ACADSB: variants seen among roughly 807,000 people sequenced by gnomAD.
ACADSB encodes the protein acyl-CoA dehydrogenase short/branched chain.
ACADSB carries 40 observed loss-of-function variants against 54.1 expected under a neutral mutation model. The observed-to-expected ratio is 0.74, with a 90% confidence interval of 0.57 to 0.96. The LOEUF is 0.96. ACADSB is among the 40% of genes least tolerant of loss of function. ACADSB has a pLI of 0.00. For missense variants in ACADSB, 530 were observed against 510.4 expected, an observed-to-expected ratio of 1.04 and a Z score of -0.37; for synonymous variants, 182 against 182.8, an observed-to-expected ratio of 1.00 and a Z score of 0.03.
intron 3 of ACADSB, among the ~76,000 whole-genome samples, chr10:123,038,095 C>T (rs777968580): frequency 4.6e-5 from 7 of 152,154 alleles, no homozygotes; most frequent in Non-Finnish European, 7.3e-5. Flanking sequence ...TTTAGACCAG[C>T]GGTTCTCAAA....
intron 9 of ACADSB, 145 bp downstream of exon 9, chr10:123,051,331 A>G: frequency 1.7e-6 from 2 of 1,149,052 alleles, no homozygotes; most frequent in South Asian, 3.6e-5. Context: ...TTTATTTCTT[A>G]TAATAGAAAA....
rs1850584646 is a variant in ACADSB, at chr10:123,048,188, T to C, written c.990+890T>C. Among the ~76,000 whole-genome samples, 7 of 152,360 alleles carry C rather than the reference T, an allele frequency of 4.6e-5. No individual in the cohort carries two copies. The South Asian group carries it at 1.4e-3, about 32-fold the overall frequency. On this transcript the variant is annotated intron_variant, in intron 8 of 10. Coordinates refer to ENST00000358776, the MANE Select transcript of ACADSB (RefSeq NM_001609.4). ...ATTGCATTGCCAACTGCATGTTGCA[T>C]TGTCTTCAGGTTTATAATAATGACT...
intron 1 of ACADSB, among the ~76,000 whole-genome samples, chr10:123,015,515 C>A (rs995573608): frequency 6.6e-6 from 1 of 152,222 alleles, no homozygotes. Context: ...TGAGCTATGA[C>A]AACCCAAAAT....
chr10:123,032,910 C>G (rs1040549370), intron 1 of ACADSB, among the ~76,000 whole-genome samples: 14 of 152,068 alleles, frequency 9.2e-5, no homozygotes, highest in Admixed American at 2.6e-4. Context: ...TTCTTTCCCC[C>G]CTTTCTTCCT....
At chr10:123,019,955 C>CT (rs200918918) in intron 1 of ACADSB, among the ~76,000 whole-genome samples, 59 of 151,978 alleles carry the variant, frequency 3.9e-4, no homozygotes, top group East Asian at 7.7e-4. Context: ...ATCATCCAGT[C>CT]TTTTTTTTGT....
intron 1 of ACADSB, among the ~76,000 whole-genome samples, chr10:123,015,391 A>G (rs1452730633): frequency 1.3e-5 from 2 of 152,158 alleles, no homozygotes; most frequent in Non-Finnish European, 2.9e-5. Flanking sequence ...CTTGTCTAAG[A>G]AGGCCCACAT....
At chr10:123,039,929 A>G (rs955603997) in intron 3 of ACADSB, among the ~76,000 whole-genome samples, 3 of 152,212 alleles carry the variant, frequency 2.0e-5, no homozygotes, top group Admixed American at 1.3e-4. Flanking sequence ...AAGGAAGCAA[A>G]TGATAGCATA....
intron 7 of ACADSB, 106 bp downstream of exon 7, chr10:123,044,591 C>A (rs918087815): frequency 1.1e-6 from 1 of 877,020 alleles, no homozygotes; most frequent in Non-Finnish European, 1.9e-6. Flanking sequence ...CACAAGATGG[C>A]ACCGTTCCCT....
intron 1 of ACADSB, among the ~76,000 whole-genome samples, chr10:123,010,044 A>G (rs1196488089): frequency 6.6e-6 from 1 of 152,112 alleles, no homozygotes; most frequent in African/African-American, 2.4e-5. Context: ...TGACTGTTTT[A>G]CAGGCCTGAA....
chr10:123,022,746 A>G (rs899968062), intron 1 of ACADSB, among the ~76,000 whole-genome samples: 3 of 152,338 alleles, frequency 2.0e-5, no homozygotes, highest in East Asian at 3.9e-4. Context: ...ATGAAACCAT[A>G]AAGAACAAGA....
rs1329460124 is a variant in ACADSB at position 123,056,253 on chromosome 10, C to CTTACA, written c.*2489_*2493dup. ...GTGAAGAAAAAGAGGTTTAATTGGA[C>CTTACA]TTACAGTTCCACATGGCCGGGGAGG... On this transcript the variant is annotated 3_prime_UTR_variant, in exon 11 of 11. Transcript: ENST00000358776. 1 of 198,688 alleles carries CTTACA rather than the reference C, an allele frequency of 5.0e-6. No homozygotes were observed. Among genetic ancestry groups the CTTACA allele is most frequent in the Non-Finnish European group, 9.9e-6 (1 of 100,606 alleles). The allele number at this position is 198,688 out of a possible 1,614,324, so 12.3% of individuals were successfully genotyped here. A position where few individuals can be genotyped will look rare whatever the true frequency, so the allele number is the denominator to read the frequency against.
At chr10:123,021,940 T>C (rs1449195123) in intron 1 of ACADSB, among the ~76,000 whole-genome samples, 1 of 152,094 alleles carries the variant, frequency 6.6e-6, no homozygotes, top group Non-Finnish European at 1.5e-5. Context: ...GGGCCTCTCA[T>C]GTGTGCATTA....
chr10:123,034,990 C>T (rs950923753), intron 2 of ACADSB, among the ~76,000 whole-genome samples: 1 of 151,122 alleles, frequency 6.6e-6, no homozygotes, highest in Admixed American at 6.6e-5. Flanking sequence ...CACTCTGACA[C>T]CCAGGCTGGA....
intron 5 of ACADSB, among the ~76,000 whole-genome samples, chr10:123,042,481 A>G (rs1167218070): frequency 1.0e-5 from 1 of 98,194 alleles, no homozygotes; most frequent in Non-Finnish European, 1.9e-5. Context: ...TTTTTTTGAG[A>G]CGGAGTTTCG....
intron 1 of ACADSB, among the ~76,000 whole-genome samples, chr10:123,020,290 A>G (rs1272268596): frequency 6.6e-6 from 1 of 152,104 alleles, no homozygotes; most frequent in Non-Finnish European, 1.5e-5. Flanking sequence ...AAAACTCCCC[A>G]GGAGGGGGAA....
At chr10:123,035,018 C>T (rs373664781) in intron 2 of ACADSB, among the ~76,000 whole-genome samples, 23 of 151,346 alleles carry the variant, frequency 1.5e-4, no homozygotes, top group East Asian at 5.8e-4. Context: ...GGCGCAATCT[C>T]GGCTCACAGC....
At position 123,040,562 on chromosome 10, in the gene ACADSB, T is replaced by A; in HGVS notation, c.400T>A (p.Ser134Thr). The A allele has an allele frequency of 6.2e-7, 1 of 1,613,826 alleles. No individual in the cohort carries two copies. Among genetic ancestry groups the A allele is most frequent in the Non-Finnish European group, 8.5e-7 (1 of 1,179,738 alleles). ...AGAGGAATTAGCCAAAGTTGATGCA[T>A]CTGTGGCTGTCTTTTGTGAGATCCA... ...VIEELAKVDA[S>T]VAVFCEIQNT... The change falls in exon 4 of 11, where the codon TCT (serine) becomes ACT (threonine). Residue 134 changes from serine to threonine, a missense_variant. Physicochemically the swap from Ser to Thr is moderately conservative, Grantham distance 58 (BLOSUM62 1). Coordinates refer to ENST00000358776, the MANE Select transcript of ACADSB (RefSeq NM_001609.4).
Position 123,052,989 on chromosome 10 carries a change from A to AT in ACADSB, c.1129-71dup, listed in dbSNP as rs2133496217. The stretch of plus-strand genomic sequence containing the variant: ...TAACAGTAAATCCATGTTGCTGAAA[A>AT]TGTTACCCAGAAGTGTTTATCATGT... On this transcript the variant is annotated intron_variant, in intron 9 of 10. Transcript: ENST00000358776. The surrounding 1 kb of genome is among the most constrained non-coding windows in gnomAD (Gnocchi z 4.2). 2 of 1,222,810 alleles carry AT rather than the reference A, an allele frequency of 1.6e-6. No individual in the cohort carries two copies. The highest frequency in any genetic ancestry group is 3.0e-5 in the African/African-American group (2 of 67,218). 75.7% of individuals were successfully genotyped at this position (1,222,810 alleles called of 1,614,324 possible).
chr10:123,041,522 G>A lies in ACADSB; in HGVS notation c.681+143G>A, dbSNP rs1211781508. ...TACTGAAAATGTCAGACTTGAGCTG[G>A]CATTTTTTCACTTCGTTAATCTCCT... On this transcript the variant is annotated intron_variant, in intron 5 of 10. Coordinates refer to ENST00000358776, the MANE Select transcript of ACADSB (RefSeq NM_001609.4). 7.2e-6 allele frequency: 6 copies of A among 828,574 alleles called. No homozygotes were observed. The Admixed American group carries it at 1.3e-4, about 18-fold the overall frequency. 51.3% of individuals were successfully genotyped at this position (828,574 alleles called of 1,614,324 possible).
Sources: allele counts gnomAD v4.1 joint callset (sites outside exome capture counted in the v4.1 genomes callset), GRCh38; gene constraint gnomAD v4.1.1; non-coding constraint Gnocchi (gnomAD v3.1); transcripts MANE v1.5; gene names NCBI Gene and HGNC (gene_info 2026-07-23, HGNC 2026-07-21).